Variants in DNAJC5B observed in about 807,000 individuals in gnomAD.
The protein encoded by DNAJC5B is DnaJ heat shock protein family (Hsp40) member C5 beta, also known as dnaJ homolog subfamily C member 5B.
Under a neutral mutation model 24.7 loss-of-function variants are expected in DNAJC5B, and 23 were observed. That is an observed-to-expected ratio of 0.93 (90% confidence interval 0.67 to 1.32). The LOEUF is 1.32. DNAJC5B is among the 40% of genes most tolerant of loss of function. DNAJC5B has a pLI of 0.00. For missense variants in DNAJC5B, 238 were observed against 240.8 expected (o/e 0.99, Z 0.08); for synonymous variants, 101 against 90.1 (o/e 1.12, Z -0.68).
At chr8:66,094,052 T>A (rs1807900965) in intron 5 of DNAJC5B, among the ~76,000 whole-genome samples, 1 of 152,172 alleles carries the variant, frequency 6.6e-6, no homozygotes, top group South Asian at 2.1e-4. Flanking sequence ...CGTTGGTCTT[T>A]TTTTTTATGC....
chr8:66,034,288 GAC>G (rs1806431639), intron 1 of DNAJC5B, among the ~76,000 whole-genome samples: 1 of 151,518 alleles, frequency 6.6e-6, no homozygotes, highest in South Asian at 2.1e-4. Flanking sequence ...ATCTTACTGG[GAC>G]ACACAGAGGG....
At chr8:66,015,564 AG>A in the DNAJC5B span, among the ~76,000 whole-genome samples, 3 of 152,068 alleles carry the variant, frequency 2.0e-5, no homozygotes, top group African/African-American at 7.2e-5. Context: ...TGAGAGAGAG[AG>A]AGAGAGAGAC....
chr8:66,047,054 A>G (rs1806736764), intron 2 of DNAJC5B, among the ~76,000 whole-genome samples: 2 of 152,252 alleles, frequency 1.3e-5, no homozygotes, highest in Non-Finnish European at 2.9e-5. Flanking sequence ...ATTGTCCCTG[A>G]GACCAGTGAA....
chr8:66,068,484 A>C (rs1416483149), intron 3 of DNAJC5B, among the ~76,000 whole-genome samples: 1 of 152,112 alleles, frequency 6.6e-6, no homozygotes, highest in African/African-American at 2.4e-5. Context: ...GAAGAATTAC[A>C]AAAAGATGGA....
intron 5 of DNAJC5B, among the ~76,000 whole-genome samples, chr8:66,092,499 C>T (rs145538559): frequency 2.0e-5 from 3 of 152,112 alleles, no homozygotes; most frequent in Admixed American, 1.3e-4. Context: ...CGGGGTAATT[C>T]GCCTAACTCC....
At chr8:66,083,860 A>T (rs565611439) in intron 5 of DNAJC5B, among the ~76,000 whole-genome samples, 1 of 152,306 alleles carries the variant, frequency 6.6e-6, no homozygotes, top group East Asian at 1.9e-4. Flanking sequence ...GCCACTCATC[A>T]GACAGAGAAA....
upstream of DNAJC5B, among the ~76,000 whole-genome samples, chr8:66,018,388 G>T (rs536778859): frequency 2.2e-4 from 33 of 152,176 alleles, no homozygotes; most frequent in Non-Finnish European, 2.6e-4. Flanking sequence ...CGTGGTGGGG[G>T]GGGTGCCTGT....
intron 5 of DNAJC5B, among the ~76,000 whole-genome samples, chr8:66,083,525 T>C (rs1483574265): frequency 6.6e-6 from 1 of 152,148 alleles, no homozygotes; most frequent in Non-Finnish European, 1.5e-5. Flanking sequence ...TTGGAGGAAT[T>C]TTCCACAGAA....
At chr8:66,032,425 T>G (rs1806379042) in intron 1 of DNAJC5B, among the ~76,000 whole-genome samples, 1 of 152,272 alleles carries the variant, frequency 6.6e-6, no homozygotes, top group Non-Finnish European at 1.5e-5. Context: ...TGTTGAAAGC[T>G]ACGTGCTCGT....
At chr8:66,036,888 A>G (rs934907534) in intron 1 of DNAJC5B, among the ~76,000 whole-genome samples, 2 of 152,208 alleles carry the variant, frequency 1.3e-5, no homozygotes, top group Admixed American at 6.5e-5. Flanking sequence ...GGCCTGGGGC[A>G]GGGGGACCTG....
At chr8:66,067,002 T>TTTAACAG (rs375586265) in intron 3 of DNAJC5B, among the ~76,000 whole-genome samples, 9,595 of 152,220 alleles carry the variant, frequency 0.063, 441 homozygotes, top group African/African-American at 0.12. Flanking sequence ...ACAAAGGCTG[T>TTTAACAG]CTTTGGCTCA....
At chr8:66,030,224 A>G (rs1483412614) in intron 1 of DNAJC5B, among the ~76,000 whole-genome samples, 1 of 152,164 alleles carries the variant, frequency 6.6e-6, no homozygotes, top group African/African-American at 2.4e-5. Flanking sequence ...CTTGATGGCT[A>G]TTTAATGTCT....
chr8:66,062,248 C>T (rs1807099786), intron 3 of DNAJC5B, among the ~76,000 whole-genome samples: 1 of 152,200 alleles, frequency 6.6e-6, no homozygotes. Flanking sequence ...GACCATTTCT[C>T]AAATAATTAG....
At chr8:66,048,127 C>G (rs900861814) in intron 2 of DNAJC5B, among the ~76,000 whole-genome samples, 34 of 152,180 alleles carry the variant, frequency 2.2e-4, no homozygotes, top group African/African-American at 8.0e-4. Flanking sequence ...GAAGGCCCCC[C>G]ACTAGCCACC....
At position 66,034,103 on chromosome 8, in the gene DNAJC5B, A is replaced by C. The variant is rs1293556288; in HGVS notation, c.-141-9385A>C. 3.3e-5 allele frequency among the ~76,000 whole-genome samples: 5 copies of C among 152,068 alleles called. No homozygotes were observed. The East Asian group carries it at 9.7e-4, about 29-fold the overall frequency. On this transcript the variant is annotated intron_variant, in intron 1 of 5. Coordinates refer to ENST00000276570, the MANE Select transcript of DNAJC5B (RefSeq NM_033105.6). ...AACACTTGCCCTGCCTACCTGTCCCAGGTGTGTGGGTCAAATGACCCTATG... is the reference window on the plus strand; with the variant it reads ...AACACTTGCCCTGCCTACCTGTCCCCGGTGTGTGGGTCAAATGACCCTATG...
At chr8:66,018,338 G>T (rs537164346), upstream of DNAJC5B, among the ~76,000 whole-genome samples, 1 of 151,446 alleles carries the variant, frequency 6.6e-6, no homozygotes, top group Non-Finnish European at 1.5e-5. Context: ...CCAAAATGGT[G>T]AAACTCCATC....
At chr8:66,057,967 G>A (rs1432138334) in intron 3 of DNAJC5B, 1 of 152,262 alleles carries the variant, frequency 6.6e-6, no homozygotes, top group African/African-American at 2.4e-5. Context: ...GATCTTAGAC[G>A]ATCAGGAAGA....
At chr8:66,068,773 A>G (rs1208479082) in intron 3 of DNAJC5B, among the ~76,000 whole-genome samples, 2 of 152,094 alleles carry the variant, frequency 1.3e-5, no homozygotes, top group Non-Finnish European at 2.9e-5. Context: ...AGAACTCTAT[A>G]CCCAGGCACA....
chr8:66,075,737 T>G (rs16932461), intron 3 of DNAJC5B, among the ~76,000 whole-genome samples: 11,563 of 152,292 alleles, frequency 0.076, 703 homozygotes, highest in African/African-American at 0.16. Flanking sequence ...AGCATCCTGA[T>G]GCTGAGCTCC....
Sources: allele counts gnomAD v4.1 joint callset (sites outside exome capture counted in the v4.1 genomes callset), GRCh38; gene constraint gnomAD v4.1.1; transcripts MANE v1.5; gene names NCBI Gene and HGNC (gene_info 2026-07-23, HGNC 2026-07-21).